The following MACROD2 variants were observed in gnomAD, a reference collection of about 807,000 sequenced individuals.
MACROD2 encodes the protein mono-ADP ribosylhydrolase 2.
Under a neutral mutation model 70.4 loss-of-function variants are expected in MACROD2, and 36 were observed. That is an observed-to-expected ratio of 0.51 (90% CI 0.39 to 0.68). MACROD2 has a LOEUF of 0.68. Among genes scored for constraint, MACROD2 ranks in the 30% least tolerant of loss-of-function variants. The probability of loss-of-function intolerance (pLI) is 0.00; values close to 1 mark genes in which losing one functional copy is unlikely to be tolerated. For missense variants in MACROD2, 496 were observed against 538.4 expected, an observed-to-expected ratio of 0.92 and a Z score of 0.78; for synonymous variants, 172 against 178.8, an observed-to-expected ratio of 0.96 and a Z score of 0.30.
At chr20:14,057,472 A>C (rs1241154992) in intron 2 of MACROD2, among the ~76,000 whole-genome samples, 1 of 152,200 alleles carries the variant, frequency 6.6e-6, no homozygotes, top group Admixed American at 6.6e-5. Flanking sequence ...GTCAGTTCAA[A>C]CTGTAAAGAC....
At chr20:14,066,853 C>G (rs2053765430) in intron 2 of MACROD2, among the ~76,000 whole-genome samples, 1 of 147,690 alleles carries the variant, frequency 6.8e-6, no homozygotes, top group Admixed American at 6.7e-5. Context: ...CTCTGTCCGC[C>G]CAGGCTGGAG....
chr20:15,687,604 G>A (rs2050244764), intron 8 of MACROD2, among the ~76,000 whole-genome samples: 1 of 152,102 alleles, frequency 6.6e-6, no homozygotes, highest in African/African-American at 2.4e-5. Flanking sequence ...CCTCAGGTTG[G>A]CCAGTGCTCC....
chr20:15,941,479 T>C (rs1351838097), intron 12 of MACROD2, among the ~76,000 whole-genome samples: 1 of 130,812 alleles, frequency 7.6e-6, no homozygotes, highest in Non-Finnish European at 1.7e-5. Flanking sequence ...TCTTGACTGA[T>C]AGATACCTAG....
At chr20:14,116,355 A>G (rs576952651) in intron 3 of MACROD2, among the ~76,000 whole-genome samples, 6 of 152,288 alleles carry the variant, frequency 3.9e-5, no homozygotes, top group Admixed American at 6.5e-5. Flanking sequence ...CGTATCTCCA[A>G]TGCTTTGTAT....
chr20:14,421,999 C>T (rs990603750), intron 3 of MACROD2, among the ~76,000 whole-genome samples: 25 of 152,076 alleles, frequency 1.6e-4, no homozygotes, highest in Admixed American at 1.5e-3. Flanking sequence ...ATTGAGTCTT[C>T]GACTATTATC....
intron 4 of MACROD2, among the ~76,000 whole-genome samples, chr20:14,584,384 G>A (rs1055891010): frequency 7.2e-5 from 11 of 152,126 alleles, no homozygotes; most frequent in Non-Finnish European, 1.2e-4. Flanking sequence ...CGACTGGGTA[G>A]CTTAAACAAC....
chr20:15,107,900 T>C (rs1460984653), intron 5 of MACROD2, among the ~76,000 whole-genome samples: 1 of 152,040 alleles, frequency 6.6e-6, no homozygotes, highest in Non-Finnish European at 1.5e-5. Context: ...CATGGACTAA[T>C]TGGTGCCCAG....
chr20:15,136,885 A>G (rs1479949732), intron 5 of MACROD2, among the ~76,000 whole-genome samples: 1 of 145,430 alleles, frequency 6.9e-6, no homozygotes, highest in East Asian at 2.0e-4. Context: ...AACCCCATCA[A>G]AAAGTGGGCA....
At chr20:15,301,465 GTCT>G (rs112885063) in intron 6 of MACROD2, among the ~76,000 whole-genome samples, 2 of 152,028 alleles carry the variant, frequency 1.3e-5, no homozygotes, top group African/African-American at 4.8e-5. Flanking sequence ...GCTTCCTAGT[GTCT>G]TCTTTTACTC....
At chr20:14,920,450 C>T (rs889103130) in intron 5 of MACROD2, among the ~76,000 whole-genome samples, 1 of 152,062 alleles carries the variant, frequency 6.6e-6, no homozygotes, top group African/African-American at 2.4e-5. Flanking sequence ...TAACCAGATA[C>T]GTTGGAAATC....
chr20:14,121,410 G>T (rs1438977692), intron 3 of MACROD2, among the ~76,000 whole-genome samples: 1 of 152,114 alleles, frequency 6.6e-6, no homozygotes, highest in East Asian at 1.9e-4. Flanking sequence ...GATTTGGGTT[G>T]CTTTGTTACT....
intron 2 of MACROD2, 61 bp downstream of exon 2, chr20:14,002,465 A>C: frequency 1.1e-6 from 1 of 952,274 alleles, no homozygotes; most frequent in South Asian, 1.5e-5. Flanking sequence ...AATTGTTGAC[A>C]GAAATGAATA....
chr20:14,332,738 C>T (rs1004371399), intron 3 of MACROD2, among the ~76,000 whole-genome samples: 6 of 151,864 alleles, frequency 4.0e-5, no homozygotes, highest in Non-Finnish European at 5.9e-5. Flanking sequence ...TAAGTAAAAC[C>T]TTGAGACTAA....
chr20:14,735,861 T>C (rs932110527), intron 5 of MACROD2, among the ~76,000 whole-genome samples: 1 of 151,792 alleles, frequency 6.6e-6, no homozygotes, highest in Admixed American at 6.6e-5. Context: ...AATAAATAAA[T>C]AAATAACAAT....
intron 6 of MACROD2, among the ~76,000 whole-genome samples, chr20:15,326,643 A>G (rs899931193): frequency 6.6e-6 from 1 of 152,136 alleles, no homozygotes; most frequent in Non-Finnish European, 1.5e-5. Flanking sequence ...AGGACTGAAT[A>G]TTGTACTCAC....
chr20:14,064,514 C>G (rs1359890345), intron 2 of MACROD2, among the ~76,000 whole-genome samples: 1 of 152,162 alleles, frequency 6.6e-6, no homozygotes, highest in Non-Finnish European at 1.5e-5. Flanking sequence ...AGATCAGAAA[C>G]CAGGAAGTCA....
At chr20:14,430,171 G>T (rs1245924215) in intron 3 of MACROD2, among the ~76,000 whole-genome samples, 1 of 152,138 alleles carries the variant, frequency 6.6e-6, no homozygotes, top group Non-Finnish European at 1.5e-5. Flanking sequence ...TGGTTCCAGG[G>T]CAATAAAATT....
chr20:14,489,986 G>A (rs916716817), intron 3 of MACROD2, among the ~76,000 whole-genome samples: 4 of 151,670 alleles, frequency 2.6e-5, no homozygotes, highest in Admixed American at 6.6e-5. Flanking sequence ...TCAGCCTCCC[G>A]GCTCATGGTT....
At chr20:14,862,277 ATT>A (rs1372649676) in intron 5 of MACROD2, among the ~76,000 whole-genome samples, 1 of 18,096 alleles carries the variant, frequency 5.5e-5, no homozygotes, top group African/African-American at 2.0e-4. Context: ...TACTATGTAT[ATT>A]TATATATATT....
Sources: allele counts gnomAD v4.1 joint callset (sites outside exome capture counted in the v4.1 genomes callset), GRCh38; gene constraint gnomAD v4.1.1; transcripts MANE v1.5; gene names NCBI Gene and HGNC (gene_info 2026-07-23, HGNC 2026-07-21).